The following NECAB3 variants were observed in gnomAD, a reference collection of about 807,000 sequenced individuals.
NECAB3 encodes N-terminal EF-hand calcium-binding protein 3.
Under a neutral mutation model 57.2 loss-of-function variants are expected in NECAB3, and 38 were observed. The observed-to-expected ratio is 0.66, with a 90% confidence interval of 0.51 to 0.87. The LOEUF is 0.87. Ranked by LOEUF, NECAB3 falls within the 40% of genes least tolerant of loss-of-function variation. The pLI is 0.00. For missense variants in NECAB3, 474 were observed against 527.5 expected (o/e 0.90, Z 0.99); for synonymous variants, 223 against 222.6 (o/e 1.00, Z -0.02).
In NECAB3 at chr20:33,659,833, G is replaced by C. The variant is rs919907943; in HGVS notation, c.643+52C>G. ...GTGAAGGAGCGGGCCCTGGGGGAAG[G>C]GGGGATGCGGTGCCTGCCTCGGCCA... On this transcript the variant is annotated intron_variant, in intron 7 of 11. Transcript: ENST00000246190. 59 of 1,534,388 alleles carry C rather than the reference G, an allele frequency of 3.8e-5. No homozygotes were observed. In the South Asian group the frequency reaches 4.9e-4, roughly 13 times the overall value.
chr20:33,662,326 C>T (rs1213800459), intron 5 of NECAB3: 1 of 1,550,548 alleles, frequency 6.4e-7, no homozygotes, highest in Non-Finnish European at 8.7e-7. Flanking sequence ...CCATCGTCCC[C>T]AGTGGTGACC....
upstream of NECAB3, chr20:33,674,454 G>A: frequency 1.0e-6 from 1 of 989,032 alleles, no homozygotes; most frequent in South Asian, 4.7e-5. Context: ...CGGCGCCGAC[G>A]CGCGGGCTCA....
chr20:33,662,946 C>CA lies in NECAB3; in HGVS notation c.388-2552dup, dbSNP rs539723817. Among the ~76,000 whole-genome samples, 623 of 152,104 alleles carry CA rather than the reference C, an allele frequency of 4.1e-3. 5 individuals are homozygous for CA. The highest frequency in any genetic ancestry group is 0.014 in the African/African-American group (561 of 41,496). On this transcript the variant is annotated intron_variant, in intron 5 of 11. Transcript: ENST00000246190. ...AGACCCTGTTTGACTCAGTCTTAAA[C>CA]AAAAAAAGCCCAGAAGGGAGGGCAG...
intron 5 of NECAB3, chr20:33,662,292 G>A: frequency 6.5e-7 from 1 of 1,541,728 alleles, no homozygotes; most frequent in South Asian, 1.2e-5. Flanking sequence ...CAGGGCCCAG[G>A]GGGCAGAGCA....
rs1013816696 is a variant in NECAB3 at position 33,663,241 on chromosome 20, G to A, written c.388-2846C>T. The A allele has an allele frequency of 6.0e-6, 3 of 504,026 alleles. No homozygotes were observed. The African/African-American group carries it at 6.1e-5, about 10-fold the overall frequency. The allele number at this position is 504,026 out of a possible 1,614,324, so 31.2% of individuals were successfully genotyped here. Reference sequence around the variant, plus strand: ...CTGAAAGCCCCTGACATAGGGCCTGGAAGGGATCTCATAAACTTAGACGGA... The same window carrying A: ...CTGAAAGCCCCTGACATAGGGCCTGAAAGGGATCTCATAAACTTAGACGGA... On this transcript the variant is annotated intron_variant, in intron 5 of 11. Coordinates refer to ENST00000246190, the MANE Select transcript of NECAB3 (RefSeq NM_031232.4).
In NECAB3 at chr20:33,670,804, G is replaced by A. The variant is rs1479535305; in HGVS notation, c.155-12C>T. Reference sequence around the variant, plus strand: ...GAGCTTCCCATCATCTGGGGTGGCAGGGGGAGGACAGGGAGCAGAGGAGGT... The same window carrying A: ...GAGCTTCCCATCATCTGGGGTGGCAAGGGGAGGACAGGGAGCAGAGGAGGT... On this transcript the variant is annotated splice_polypyrimidine_tract_variant and intron_variant, in intron 2 of 11. Coordinates refer to ENST00000246190, the MANE Select transcript of NECAB3 (RefSeq NM_031232.4). 2.5e-6 allele frequency: 4 copies of A among 1,605,062 alleles called. No individual in the cohort carries two copies. The highest frequency in any genetic ancestry group is 3.4e-6 in the Non-Finnish European group (4 of 1,172,186).
Position 33,669,471 on chromosome 20 carries a change from G to A in NECAB3, c.291C>T (p.Asp97=). Residue 97 remains aspartate (D), a splice_region_variant and synonymous_variant, in exon 5 of 12, where the codon GAC becomes GAT. Coordinates refer to ENST00000246190, the MANE Select transcript of NECAB3 (RefSeq NM_031232.4). ...TDNLETEKLC[D]YFSEHLGVYR... ...AGACACCCAGGTGCTCTGAGAAGTAGTCTGCAGGCAGAAGAGGTGCTCAAG... is the reference window on the plus strand; with the variant it reads ...AGACACCCAGGTGCTCTGAGAAGTAATCTGCAGGCAGAAGAGGTGCTCAAG... 6.2e-7 allele frequency: 1 copy of A among 1,613,684 alleles called. No homozygotes were observed. Among genetic ancestry groups the A allele is most frequent in the Non-Finnish European group, 8.5e-7 (1 of 1,180,022 alleles).
rs1018631108 is a variant in NECAB3 at position 33,672,478 on chromosome 20, C to A, written c.130-56G>T. On this transcript the variant is annotated intron_variant, in intron 1 of 11. Coordinates refer to ENST00000246190, the MANE Select transcript of NECAB3 (RefSeq NM_031232.4). ...TGAGTGCCACCTGGGAAGCCAGAGG[C>A]CCCCACTCAACCCGACAGGGTCCCA... The A allele has an allele frequency of 9.3e-6, 15 of 1,606,450 alleles. No individual in the cohort carries two copies. The African/African-American group carries it at 1.2e-4, about 13-fold the overall frequency.
chr20:33,669,160 CAGT>C (rs2017770253), intron 5 of NECAB3: 2 of 567,526 alleles, frequency 3.5e-6, no homozygotes. Context: ...TCACTGGTCA[CAGT>C]GATGTATGAA....
rs1304221115 is a variant in NECAB3 at position 33,657,441 on chromosome 20, A to G, written c.*388T>C. ...CTTCTGCCGCTGGCTGAGGAGGAGC[A>G]GAAGCCTGGTCCCAAGACAGCAGGA... On this transcript the variant is annotated 3_prime_UTR_variant, in exon 12 of 12. Transcript: ENST00000246190. The G allele has an allele frequency of 2.6e-5, 6 of 231,628 alleles. No individual in the cohort carries two copies. In the East Asian group the frequency reaches 5.1e-4, roughly 20 times the overall value. 14.3% of individuals were successfully genotyped at this position (231,628 alleles called of 1,614,324 possible). A position where few individuals can be genotyped will look rare whatever the true frequency, so the allele number is the denominator to read the frequency against.
Position 33,660,145 on chromosome 20 carries a change from G to C in NECAB3, c.524+114C>G, listed in dbSNP as rs2017419761. ...CACCCCGCCATGGCTACCCTGCCAT[G>C]GCTTCCCCGCCCGAAAATGCAGGCT... is the stretch of plus-strand genomic sequence containing the variant. On this transcript the variant is annotated intron_variant, in intron 6 of 11. Coordinates refer to ENST00000246190, the MANE Select transcript of NECAB3 (RefSeq NM_031232.4). This position sits in a 1 kb window ranked among gnomAD's most constrained non-coding sequence, Gnocchi z 4.1. 37 of 1,531,850 alleles carry C rather than the reference G, an allele frequency of 2.4e-5. No individual in the cohort carries two copies. Among genetic ancestry groups the C allele is most frequent in the Non-Finnish European group, 3.2e-5 (37 of 1,140,492 alleles). The allele number at this position is 1,531,850 out of a possible 1,614,324, so 94.9% of individuals were successfully genotyped here.
chr20:33,667,629 A>T, intron 5 of NECAB3: 1 of 1,603,602 alleles, frequency 6.2e-7, no homozygotes, highest in Non-Finnish European at 8.5e-7. Flanking sequence ...CCACCTTCCG[A>T]CTGAACGTGG....
At chr20:33,672,564 G>A (rs917311903) in intron 1 of NECAB3, 142 bp from the exon 2 acceptor site, 6 of 880,150 alleles carry the variant, frequency 6.8e-6, no homozygotes, top group Non-Finnish European at 1.1e-5. Context: ...CAAACCACCT[G>A]CCCAGCTCAG....
At chr20:33,668,018 G>A (rs766321587) in intron 5 of NECAB3, 6 of 1,541,404 alleles carry the variant, frequency 3.9e-6, no homozygotes, top group Non-Finnish European at 4.4e-6. Flanking sequence ...CTGTTTCCTG[G>A]CTTCGCCGAG....
chr20:33,670,584 C>G, intron 3 of NECAB3, 100 bp downstream of exon 3: 1 of 808,982 alleles, frequency 1.2e-6, no homozygotes, highest in Admixed American at 2.6e-5. Flanking sequence ...CTCCCTGCCC[C>G]CTCTTCCTCA....
intron 1 of NECAB3, among the ~76,000 whole-genome samples, chr20:33,673,211 C>G (rs931647509): frequency 6.6e-6 from 1 of 152,322 alleles, no homozygotes; most frequent in African/African-American, 2.4e-5. Context: ...CCCAAAGCAG[C>G]CCAGCAAAGG....
chr20:33,672,476 G>A lies in NECAB3; in HGVS notation c.130-54C>T, dbSNP rs1009980326. On this transcript the variant is annotated intron_variant, in intron 1 of 11. Transcript: ENST00000246190. ...TGTGAGTGCCACCTGGGAAGCCAGA[G>A]GCCCCCACTCAACCCGACAGGGTCC... 3.7e-6 allele frequency: 6 copies of A among 1,609,448 alleles called. No individual in the cohort carries two copies. In the South Asian group the frequency reaches 5.5e-5, roughly 15 times the overall value.
chr20:33,669,426 T>C lies in NECAB3; in HGVS notation c.336A>G (p.Ala112=), dbSNP rs2017777161. The C allele has an allele frequency of 1.9e-6, 3 of 1,613,660 alleles. No individual in the cohort carries two copies. The highest frequency in any genetic ancestry group is 2.5e-6 in the Non-Finnish European group (3 of 1,180,016). ...HLGVYRPVLA[A]LESLNRAVLA... is the part of the protein sequence containing the mutation. ...GCACTGCACGGTTCAGCGATTCCAA[T>C]GCAGCCAGCACCGGCCGGTAGACAC... Residue 112 remains alanine (A), a synonymous_variant, in exon 5 of 12, where the codon GCA becomes GCG. Coordinates refer to ENST00000246190, the MANE Select transcript of NECAB3 (RefSeq NM_031232.4).
intron 2 of NECAB3, among the ~76,000 whole-genome samples, chr20:33,671,459 A>G (rs1348292707): frequency 6.6e-6 from 1 of 152,006 alleles, no homozygotes; most frequent in African/African-American, 2.4e-5. Flanking sequence ...AAGTGAGAGC[A>G]TGTGTCCTGA....
Sources: allele counts gnomAD v4.1 joint callset (sites outside exome capture counted in the v4.1 genomes callset), GRCh38; gene constraint gnomAD v4.1.1; non-coding constraint Gnocchi (gnomAD v3.1); transcripts MANE v1.5; gene names NCBI Gene and HGNC (gene_info 2026-07-23, HGNC 2026-07-21).